Variants in KYNU observed in about 807,000 individuals in gnomAD.
KYNU encodes kynureninase.
KYNU carries 54 observed loss-of-function variants against 59.2 expected under a neutral mutation model. The observed-to-expected ratio is 0.91, with a 90% CI of 0.73 to 1.14. The LOEUF is 1.14. Ranked by LOEUF, KYNU falls within the 50% of genes most tolerant of loss-of-function variation. The pLI is 0.00. For missense variants in KYNU, 567 were observed against 554.4 expected, an observed-to-expected ratio of 1.02 and a Z score of -0.23; for synonymous variants, 177 against 192.0, an observed-to-expected ratio of 0.92 and a Z score of 0.65.
At chr2:142,982,059 G>T (rs1353766657) in intron 8 of KYNU, among the ~76,000 whole-genome samples, 2 of 152,074 alleles carry the variant, frequency 1.3e-5, no homozygotes, top group Non-Finnish European at 2.9e-5. Context: ...GTAATTTGGG[G>T]TTCTTTTTTT....
intron 10 of KYNU, among the ~76,000 whole-genome samples, chr2:142,994,594 A>C (rs1452060963): frequency 6.6e-6 from 1 of 152,066 alleles, no homozygotes; most frequent in Non-Finnish European, 1.5e-5. Flanking sequence ...ACCATGTGGC[A>C]CTATGTTTTT....
chr2:142,984,040 G>T (rs1468702097), intron 8 of KYNU, among the ~76,000 whole-genome samples: 1 of 151,958 alleles, frequency 6.6e-6, no homozygotes, highest in Non-Finnish European at 1.5e-5. Flanking sequence ...ATCAGAATTT[G>T]ACAAGTGAGA....
At chr2:143,024,624 C>A (rs1686500615) in intron 10 of KYNU, among the ~76,000 whole-genome samples, 1 of 151,874 alleles carries the variant, frequency 6.6e-6, no homozygotes, top group African/African-American at 2.4e-5. Context: ...TCTGACATTT[C>A]TTTCTTTATT....
intron 10 of KYNU, among the ~76,000 whole-genome samples, chr2:143,001,766 C>G (rs554356062): frequency 6.6e-6 from 1 of 152,262 alleles, no homozygotes; most frequent in East Asian, 1.9e-4. Flanking sequence ...CCACTTTAAG[C>G]CATACTTTTC....
chr2:142,993,460 G>T (rs773717389), intron 10 of KYNU, among the ~76,000 whole-genome samples: 1 of 152,024 alleles, frequency 6.6e-6, no homozygotes, highest in Admixed American at 6.6e-5. Flanking sequence ...CCTGTCATCA[G>T]TCTTAGTCCT....
chr2:142,956,889 T>G (rs1403335318), intron 6 of KYNU, among the ~76,000 whole-genome samples: 1 of 152,114 alleles, frequency 6.6e-6, no homozygotes, highest in Non-Finnish European at 1.5e-5. Flanking sequence ...ACTCCTGCTA[T>G]CTCAACACTT....
rs1324455719 is a variant in KYNU at position 143,053,427 on chromosome 2, A to G, written c.*11255A>G. On this transcript the variant is annotated 3_prime_UTR_variant, in exon 14 of 14. Transcript: ENST00000264170. Reference sequence around the variant, plus strand: ...GACTTTGGGTGACTGTTGCGAAGACATGATTGGTTTTGAAATGTGAGAACA... The same window carrying G: ...GACTTTGGGTGACTGTTGCGAAGACGTGATTGGTTTTGAAATGTGAGAACA... The G allele has an allele frequency of 6.6e-6, 1 of 152,254 alleles. No individual in the cohort carries two copies. Among genetic ancestry groups the G allele is most frequent in the Non-Finnish European group, 1.5e-5 (1 of 68,050 alleles). The allele number at this position is 152,254 out of a possible 1,614,324, so 9.4% of individuals were successfully genotyped here. A position where few individuals can be genotyped will look rare whatever the true frequency, so the allele number is the denominator to read the frequency against.
chr2:142,994,949 C>T (rs1057481737), intron 10 of KYNU, among the ~76,000 whole-genome samples: 6 of 151,978 alleles, frequency 3.9e-5, no homozygotes, highest in Non-Finnish European at 8.8e-5. Context: ...CCAAATATAT[C>T]CATGAAAACT....
chr2:142,950,330 G>T (rs1246654344), intron 4 of KYNU, among the ~76,000 whole-genome samples: 1 of 152,144 alleles, frequency 6.6e-6, no homozygotes, highest in Non-Finnish European at 1.5e-5. Flanking sequence ...CTAATTTACT[G>T]TATTAGTCTG....
intron 2 of KYNU, among the ~76,000 whole-genome samples, chr2:142,896,279 C>T (rs1681875105): frequency 6.6e-6 from 1 of 152,114 alleles, no homozygotes; most frequent in South Asian, 2.1e-4. Flanking sequence ...CTGTTGTTCC[C>T]CATATTCACC....
intron 2 of KYNU, among the ~76,000 whole-genome samples, chr2:142,895,674 C>T (rs773303848): frequency 4.0e-5 from 6 of 151,778 alleles, no homozygotes; most frequent in Non-Finnish European, 7.4e-5. Flanking sequence ...TGACAGGTCT[C>T]ATGTATTCTT....
chr2:143,041,989 T>C (rs1479935728), intron 13 of KYNU, 58 bp from the exon 14 acceptor site: 1 of 1,575,880 alleles, frequency 6.3e-7, no homozygotes, highest in Non-Finnish European at 8.7e-7. Context: ...ATCTGGAATG[T>C]AGATTTTCAA....
intron 10 of KYNU, among the ~76,000 whole-genome samples, chr2:143,017,148 CCATTAATGGGCA>C (rs1339430545): frequency 6.3e-4 from 56 of 88,302 alleles, no homozygotes; most frequent in Non-Finnish European, 9.5e-5. Context: ...ATCCAACCCA[CCATTAATGGGCA>C]CCTCGGCTGA....
chr2:142,922,996 C>A (rs981551397), intron 3 of KYNU, among the ~76,000 whole-genome samples: 1 of 152,138 alleles, frequency 6.6e-6, no homozygotes, highest in African/African-American at 2.4e-5. Flanking sequence ...CTTGCTGTAA[C>A]CTCATGTGGC....
At chr2:142,969,223 T>C (rs1460154861) in intron 8 of KYNU, among the ~76,000 whole-genome samples, 1 of 152,214 alleles carries the variant, frequency 6.6e-6, no homozygotes, top group Non-Finnish European at 1.5e-5. Context: ...GGTATGCTTA[T>C]ATACGTGTAT....
intron 4 of KYNU, chr2:142,954,042 CA>C (rs1684083773): frequency 6.6e-6 from 1 of 152,078 alleles, no homozygotes; most frequent in African/African-American, 2.4e-5. Flanking sequence ...CTTGAAGAAA[CA>C]TCATAAGGAC....
At chr2:142,993,968 T>G (rs771519462) in intron 10 of KYNU, among the ~76,000 whole-genome samples, 1 of 152,054 alleles carries the variant, frequency 6.6e-6, no homozygotes, top group Non-Finnish European at 1.5e-5. Flanking sequence ...TCTGAAGATA[T>G]ATAGGGTCAA....
rs764440203 is a variant in KYNU, at chr2:142,918,704, G to A, written c.265G>A (p.Glu89Lys). 2 of 1,611,806 alleles carry A rather than the reference G, an allele frequency of 1.2e-6. No homozygotes were observed. Among genetic ancestry groups the A allele is most frequent in the East Asian group, 2.2e-5 (1 of 44,734 alleles). ...AAAAATGGTTAAAACATATCTTGAA[G>A]AAGAACTAGATAAGTGGGCCAAAAT... is the stretch of plus-strand genomic sequence containing the variant. ...QPKMVKTYLE[E>K]ELDKWAKIAA... Residue 89 changes from glutamate (E) to lysine (K), a missense_variant, in exon 3 of 14, where the codon GAA (glutamate) becomes AAA (lysine). Glu to Lys is a moderately conservative substitution (Grantham distance 56, BLOSUM62 1). Coordinates refer to ENST00000264170, the MANE Select transcript of KYNU (RefSeq NM_003937.3).
chr2:142,889,159 G>A (rs181443854), intron 2 of KYNU, among the ~76,000 whole-genome samples: 86 of 152,112 alleles, frequency 5.7e-4, no homozygotes, highest in Non-Finnish European at 6.6e-4. Context: ...CAAGGGGCAT[G>A]GCTGATGTTT....
Sources: gnomAD v4.1 joint callset for allele counts (sites outside exome capture counted in the v4.1 genomes callset) on GRCh38, gnomAD v4.1.1 for gene constraint, MANE v1.5 for transcripts, NCBI Gene and HGNC (gene_info 2026-07-23, HGNC 2026-07-21) for gene names.